CFAP58: variants seen among roughly 807,000 people sequenced by gnomAD.
CFAP58 encodes cilia and flagella associated protein 58, also known as cilia- and flagella-associated protein 58.
CFAP58 carries 88 observed loss-of-function variants against 119.5 expected under a neutral mutation model. The ratio of observed to expected loss-of-function variants is 0.74; its 90% CI spans 0.62 to 0.88. The LOEUF is 0.88. Ranked by LOEUF, CFAP58 falls within the 40% of genes least tolerant of loss-of-function variation. The probability of loss-of-function intolerance (pLI) is 0.00; values close to 1 mark genes in which losing one functional copy is unlikely to be tolerated. For missense variants in CFAP58, 990 were observed against 1,021.2 expected, an observed-to-expected ratio of 0.97 and a Z score of 0.42; for synonymous variants, 365 against 366.3, an observed-to-expected ratio of 1.00 and a Z score of 0.04.
At chr10:104,345,109 T>G in the CFAP58 span, among the ~76,000 whole-genome samples, 1 of 151,762 alleles carries the variant, frequency 6.6e-6, no homozygotes, top group Non-Finnish European at 1.5e-5. Context: ...ATTGTGCCAT[T>G]GCACTCCAGC....
At chr10:104,380,262 T>C (rs2011759170) in intron 9 of CFAP58, 42 bp downstream of exon 9, 1 of 1,520,678 alleles carries the variant, frequency 6.6e-7, no homozygotes, top group Non-Finnish European at 9.0e-7. Context: ...AGAGGCACAT[T>C]CCTTCCTCCG....
At chr10:104,386,981 G>A (rs1168422837) in intron 9 of CFAP58, among the ~76,000 whole-genome samples, 1 of 152,152 alleles carries the variant, frequency 6.6e-6, no homozygotes, top group African/African-American at 2.4e-5. Flanking sequence ...ATTTGCCTTC[G>A]TGTTCTTTCT....
chr10:104,426,470 C>T (rs1314459316), intron 15 of CFAP58, among the ~76,000 whole-genome samples: 1 of 152,006 alleles, frequency 6.6e-6, no homozygotes, highest in Non-Finnish European at 1.5e-5. Flanking sequence ...TCCCCACTCC[C>T]CCCAGCTATC....
intron 11 of CFAP58, among the ~76,000 whole-genome samples, chr10:104,394,483 A>G (rs2012112944): frequency 6.6e-6 from 1 of 152,212 alleles, no homozygotes; most frequent in Non-Finnish European, 1.5e-5. Flanking sequence ...GCTCAATGCC[A>G]TATTTTCTAG....
At chr10:104,439,529 A>T (rs1006239374) in intron 15 of CFAP58, among the ~76,000 whole-genome samples, 3 of 152,284 alleles carry the variant, frequency 2.0e-5, no homozygotes, top group Admixed American at 1.3e-4. Flanking sequence ...TCAAGGAAAA[A>T]ATCTCACTGA....
intron 17 of CFAP58, among the ~76,000 whole-genome samples, chr10:104,453,086 T>C (rs556380724): frequency 6.6e-6 from 1 of 152,280 alleles, no homozygotes; most frequent in East Asian, 1.9e-4. Context: ...TTAGTCAGCT[T>C]AGACCAAGCC....
chr10:104,447,567 G>T, intron 15 of CFAP58, 131 bp from the exon 16 acceptor site: 1 of 1,085,522 alleles, frequency 9.2e-7, no homozygotes. Flanking sequence ...GAATCTGTGA[G>T]TGAATGTGAT....
At chr10:104,352,582 C>T (rs1227643056), upstream of CFAP58, among the ~76,000 whole-genome samples, 8 of 152,228 alleles carry the variant, frequency 5.3e-5, no homozygotes, top group Non-Finnish European at 1.0e-4. Flanking sequence ...CAGGACGCAG[C>T]TGCATAAGCA....
At chr10:104,380,252 A>G in intron 9 of CFAP58, 32 bp downstream of exon 9, 1 of 1,575,958 alleles carries the variant, frequency 6.3e-7, no homozygotes, top group Non-Finnish European at 8.7e-7. Flanking sequence ...TGGGTGGAGC[A>G]GAGGCACATT....
At chr10:104,447,244 C>G (rs2013124853) in intron 15 of CFAP58, among the ~76,000 whole-genome samples, 1 of 151,804 alleles carries the variant, frequency 6.6e-6, no homozygotes, top group African/African-American at 2.4e-5. Context: ...TCTTGAACTC[C>G]TGGCCTCAAG....
At chr10:104,388,269 G>A (rs563722707) in intron 9 of CFAP58, among the ~76,000 whole-genome samples, 148 of 152,274 alleles carry the variant, frequency 9.7e-4, no homozygotes, top group African/African-American at 3.2e-3. Context: ...GTAACGTGAC[G>A]TAGTGTAAAC....
At chr10:104,391,904 A>AT (rs548630823) in intron 9 of CFAP58, among the ~76,000 whole-genome samples, 4 of 151,470 alleles carry the variant, frequency 2.6e-5, no homozygotes, top group Non-Finnish European at 5.9e-5. Flanking sequence ...GCCTGTGACT[A>AT]TTTTTTTTCC....
chr10:104,354,057 G>T (rs1437127773), intron 1 of CFAP58, 151 bp downstream of exon 1: 7 of 926,728 alleles, frequency 7.6e-6, no homozygotes, highest in East Asian at 2.7e-5. Flanking sequence ...GCCTTTCTCC[G>T]TTGGCTCTGG....
chr10:104,365,002 T>A (rs2014723563), intron 4 of CFAP58, 113 bp downstream of exon 4: 1 of 1,028,534 alleles, frequency 9.7e-7, no homozygotes, highest in Non-Finnish European at 1.4e-6. Context: ...AGCGCCCAAA[T>A]GAAACATCCT....
chr10:104,384,002 G>T, intron 9 of CFAP58, among the ~76,000 whole-genome samples: 1 of 152,074 alleles, frequency 6.6e-6, no homozygotes, highest in East Asian at 1.9e-4. Flanking sequence ...TTATATGAAA[G>T]AATATTTTTT....
chr10:104,434,883 T>C (rs1392876123), intron 15 of CFAP58, among the ~76,000 whole-genome samples: 1 of 152,236 alleles, frequency 6.6e-6, no homozygotes, highest in Non-Finnish European at 1.5e-5. Flanking sequence ...CATGGTCTTT[T>C]GGAATTGAGT....
intron 9 of CFAP58, among the ~76,000 whole-genome samples, chr10:104,388,206 C>T (rs2011963109): frequency 6.6e-6 from 1 of 152,138 alleles, no homozygotes; most frequent in East Asian, 1.9e-4. Flanking sequence ...TCCTGCAGAA[C>T]AGGATTTGAT....
In CFAP58 at chr10:104,454,584, C is replaced by A; in HGVS notation, c.*54C>A. Reference sequence around the variant, plus strand: ...ACAACTCATGAAATCTGCTCTGGGACATTTTGGGGGAATCTCAAAGTCCTT... The same window carrying A: ...ACAACTCATGAAATCTGCTCTGGGAAATTTTGGGGGAATCTCAAAGTCCTT... On this transcript the variant is annotated 3_prime_UTR_variant, in exon 18 of 18. Transcript: ENST00000369704. 7.6e-7 allele frequency: 1 copy of A among 1,316,676 alleles called. No homozygotes were observed. Among genetic ancestry groups the A allele is most frequent in the Non-Finnish European group, 1.1e-6 (1 of 911,976 alleles). The allele number at this position is 1,316,676 out of a possible 1,614,324, so 81.6% of individuals were successfully genotyped here.
intron 8 of CFAP58, among the ~76,000 whole-genome samples, chr10:104,379,485 G>C (rs1480719267): frequency 2.0e-5 from 3 of 152,124 alleles, no homozygotes; most frequent in Non-Finnish European, 4.4e-5. Flanking sequence ...TCATGTACAA[G>C]TTTTTGCTTT....
Sources: gnomAD v4.1 joint callset for allele counts (sites outside exome capture counted in the v4.1 genomes callset) on GRCh38, gnomAD v4.1.1 for gene constraint, MANE v1.5 for transcripts, NCBI Gene and HGNC (gene_info 2026-07-23, HGNC 2026-07-21) for gene names.